The following FOXP2 variants were observed in gnomAD, a reference collection of about 807,000 sequenced individuals.
FOXP2 encodes the protein forkhead box P2, also known as forkhead box protein P2.
Under a neutral mutation model 115.8 loss-of-function variants are expected in FOXP2, and 12 were observed. That is an observed-to-expected ratio of 0.10 (90% CI 0.07 to 0.17). The LOEUF is 0.17. Ranked by LOEUF, FOXP2 falls within the 10% of genes least tolerant of loss-of-function variation. The pLI is 1.00. For missense variants in FOXP2, 629 were observed against 843.5 expected, an observed-to-expected ratio of 0.75 and a Z score of 3.15; for synonymous variants, 328 against 297.7, an observed-to-expected ratio of 1.10 and a Z score of -1.05.
intron 3 of FOXP2, chr7:114,613,870 T>C (rs959818025): frequency 6.6e-6 from 1 of 152,084 alleles, no homozygotes; most frequent in African/African-American, 2.4e-5. Context: ...CGAGATCAGA[T>C]AAGATTGAGT....
rs535871795 is a variant in FOXP2, at chr7:114,390,555, T to G, written c.-10-35947T>G. Reference sequence around the variant, plus strand: ...TTATTTATTTATTTATTTAGTGAGTTAGTTAGTTGGTTATTTGAGACAGGG... The same window carrying G: ...TTATTTATTTATTTATTTAGTGAGTGAGTTAGTTGGTTATTTGAGACAGGG... On this transcript the variant is annotated intron_variant, in intron 2 of 17. Coordinates refer to the FOXP2 transcript ENST00000634411. 8.6e-4 allele frequency among the ~76,000 whole-genome samples: 131 copies of G among 152,218 alleles called. 1 individual carries two copies. Among genetic ancestry groups the G allele is most frequent in the East Asian group, 6.0e-3 (31 of 5,186 alleles).
chr7:114,660,938 G>A (rs535924096), intron 13 of FOXP2, among the ~76,000 whole-genome samples: 1 of 151,858 alleles, frequency 6.6e-6, no homozygotes, highest in Admixed American at 6.6e-5. Flanking sequence ...TATATCGCAT[G>A]CATAATAAAA....
At chr7:114,367,546 C>CT (rs371928185) in intron 2 of FOXP2, among the ~76,000 whole-genome samples, 1 of 152,174 alleles carries the variant, frequency 6.6e-6, no homozygotes, top group African/African-American at 2.4e-5. Flanking sequence ...ACTAATAGAA[C>CT]TATGAACTAC....
intron 1 of FOXP2, among the ~76,000 whole-genome samples, chr7:114,192,909 C>A (rs948367457): frequency 9.2e-5 from 14 of 152,200 alleles, no homozygotes; most frequent in African/African-American, 3.1e-4. Flanking sequence ...GGACTGTGTT[C>A]AAGTGATGAT....
intron 2 of FOXP2, among the ~76,000 whole-genome samples, chr7:114,360,925 A>G (rs1333655722): frequency 1.3e-5 from 2 of 152,202 alleles, no homozygotes; most frequent in African/African-American, 4.8e-5. Context: ...GACAACTTAA[A>G]TACTTTATGT....
At chr7:114,177,421 G>A (rs904692931) in intron 1 of FOXP2, among the ~76,000 whole-genome samples, 1 of 151,938 alleles carries the variant, frequency 6.6e-6, no homozygotes, top group South Asian at 2.1e-4. Flanking sequence ...TGTCTTCTGG[G>A]TGGGTAATAA....
intron 1 of FOXP2, among the ~76,000 whole-genome samples, chr7:114,113,211 G>A (rs1791317110): frequency 6.6e-6 from 1 of 151,990 alleles, no homozygotes. Context: ...TGGAGAAAAA[G>A]AAGAAATAAA....
At chr7:114,392,271 G>C (rs1345373515) in intron 2 of FOXP2, among the ~76,000 whole-genome samples, 1 of 152,220 alleles carries the variant, frequency 6.6e-6, no homozygotes, top group Non-Finnish European at 1.5e-5. Flanking sequence ...TGCGTGGTTG[G>C]AGTGTCCAAC....
chr7:114,628,437 A>G, intron 3 of FOXP2, 103 bp from the exon 4 acceptor site: 4 of 1,457,858 alleles, frequency 2.7e-6, no homozygotes, highest in South Asian at 2.3e-5. Context: ...ATTGATCATC[A>G]ATGCTAAAGA....
chr7:114,610,931 G>A (rs1039196633), intron 3 of FOXP2, among the ~76,000 whole-genome samples: 8 of 152,154 alleles, frequency 5.3e-5, no homozygotes, highest in African/African-American at 1.9e-4. Context: ...CATCAGCCTG[G>A]CCCTAAGAGT....
At chr7:114,527,434 T>C (rs1798933388) in intron 2 of FOXP2, among the ~76,000 whole-genome samples, 1 of 152,252 alleles carries the variant, frequency 6.6e-6, no homozygotes, top group African/African-American at 2.4e-5. Context: ...CTTTTCACTA[T>C]TTCCTCATCT....
At chr7:114,376,824 G>A (rs1792149678) in intron 2 of FOXP2, among the ~76,000 whole-genome samples, 1 of 152,092 alleles carries the variant, frequency 6.6e-6, no homozygotes, top group Non-Finnish European at 1.5e-5. Flanking sequence ...GATTATGACT[G>A]AATCATAGAA....
chr7:114,386,796 G>C (rs547705590), intron 2 of FOXP2, among the ~76,000 whole-genome samples: 2 of 152,278 alleles, frequency 1.3e-5, no homozygotes, highest in Admixed American at 1.3e-4. Flanking sequence ...TGCATATCTT[G>C]CTATTGTAAT....
chr7:114,375,346 T>C (rs1395059309), intron 2 of FOXP2, among the ~76,000 whole-genome samples: 3 of 152,216 alleles, frequency 2.0e-5, no homozygotes, highest in African/African-American at 7.2e-5. Context: ...GCTCTGGAGC[T>C]AGATTTAAAG....
chr7:114,581,878 A>G (rs1459167410), intron 3 of FOXP2, among the ~76,000 whole-genome samples: 1 of 152,238 alleles, frequency 6.6e-6, no homozygotes, highest in Non-Finnish European at 1.5e-5. Flanking sequence ...TGGATAAGAC[A>G]CGAAGAAAGT....
chr7:114,438,288 T>C (rs966379782), intron 2 of FOXP2, among the ~76,000 whole-genome samples: 5 of 152,116 alleles, frequency 3.3e-5, no homozygotes, highest in African/African-American at 1.2e-4. Context: ...GTCTCAGAAA[T>C]AGACCCCAAT....
At chr7:114,193,319 A>G (rs1449183738) in intron 1 of FOXP2, among the ~76,000 whole-genome samples, 2 of 152,050 alleles carry the variant, frequency 1.3e-5, no homozygotes, top group East Asian at 3.8e-4. Context: ...CAAGAGCAGC[A>G]TTAATGTTGA....
In FOXP2 at chr7:114,548,114, A is replaced by C. The variant is rs566180748; in HGVS notation, c.258+13408A>C. 2.6e-5 allele frequency among the ~76,000 whole-genome samples: 4 copies of C among 152,292 alleles called. No homozygotes were observed. In the South Asian group the frequency reaches 8.3e-4, roughly 32 times the overall value. On this transcript the variant is annotated intron_variant, in intron 3 of 16. Coordinates refer to ENST00000350908, the MANE Select transcript of FOXP2 (RefSeq NM_014491.4). ...CTATGTAGCTTTTGTCTTCATGGCCACAAGATAACTCTCCTTCCTCCAAGC... is the reference window on the plus strand; with the variant it reads ...CTATGTAGCTTTTGTCTTCATGGCCCCAAGATAACTCTCCTTCCTCCAAGC...
chr7:114,522,702 T>C (rs1251741186), intron 2 of FOXP2, among the ~76,000 whole-genome samples: 2 of 152,182 alleles, frequency 1.3e-5, no homozygotes, highest in East Asian at 3.9e-4. Flanking sequence ...TAAGGAATGA[T>C]TATTTTCACC....
Sources: gnomAD v4.1 joint callset for allele counts (sites outside exome capture counted in the v4.1 genomes callset) on GRCh38, gnomAD v4.1.1 for gene constraint, MANE v1.5 for transcripts, NCBI Gene and HGNC (gene_info 2026-07-23, HGNC 2026-07-21) for gene names.